RAD51B: variants seen among roughly 807,000 people sequenced by gnomAD.
The protein encoded by RAD51B is DNA repair protein RAD51 homolog 2.
In RAD51B, 38 loss-of-function variants were observed where a neutral mutation model predicts 42.2. The observed-to-expected ratio is 0.90, with a 90% CI of 0.70 to 1.18. The LOEUF (loss-of-function observed/expected upper bound fraction) is 1.18, where lower values mean the gene tolerates loss of function less well. Ranked by LOEUF, RAD51B falls within the 50% of genes most tolerant of loss-of-function variation. The pLI is 0.00. For missense variants in RAD51B, 373 were observed against 400.7 expected, an observed-to-expected ratio of 0.93 and a Z score of 0.59; for synonymous variants, 154 against 145.2, an observed-to-expected ratio of 1.06 and a Z score of -0.43.
At chr14:68,249,293 C>A (rs115133667) in intron 7 of RAD51B, among the ~76,000 whole-genome samples, 1 of 152,298 alleles carries the variant, frequency 6.6e-6, no homozygotes, top group African/African-American at 2.4e-5. Flanking sequence ...TGCGGAAATA[C>A]TTCTTTGGAT....
rs567468249 is a variant in RAD51B, at chr14:68,333,243, A to G, written c.853+41263A>G. Among the ~76,000 whole-genome samples, 19 of 151,748 alleles carry G rather than the reference A, an allele frequency of 1.3e-4. No individual in the cohort carries two copies. The South Asian group carries it at 3.3e-3, about 27-fold the overall frequency. ...GTAAAGAATGCCTACAAATCAATAA[A>G]GAAAAATAGAAAAATAGACGAGGGA... On this transcript the variant is annotated intron_variant, in intron 8 of 10. Coordinates refer to ENST00000471583, the MANE Select transcript of RAD51B (RefSeq NM_133510.4).
At chr14:68,583,769 C>T (rs946208625) in intron 10 of RAD51B, among the ~76,000 whole-genome samples, 2 of 152,256 alleles carry the variant, frequency 1.3e-5, no homozygotes, top group African/African-American at 4.8e-5. Context: ...CCACCCACAA[C>T]TTGGCCTTGG....
chr14:67,841,669 T>C (rs1012907194), intron 4 of RAD51B, among the ~76,000 whole-genome samples: 1 of 140,718 alleles, frequency 7.1e-6, no homozygotes, highest in African/African-American at 2.9e-5. Context: ...ATTTATTGAA[T>C]AGGAAGTCCT....
chr14:68,091,487 C>G (rs971342035), intron 7 of RAD51B, among the ~76,000 whole-genome samples: 15 of 152,128 alleles, frequency 9.9e-5, no homozygotes, highest in African/African-American at 2.9e-4. Context: ...TTTTTTGGCT[C>G]CATAAATGTC....
intron 7 of RAD51B, among the ~76,000 whole-genome samples, chr14:67,918,984 A>G (rs1566957797): frequency 6.6e-6 from 1 of 152,164 alleles, no homozygotes; most frequent in Non-Finnish European, 1.5e-5. Flanking sequence ...AGAGAGAGGA[A>G]GTTTGCAAGA....
intron 8 of RAD51B, among the ~76,000 whole-genome samples, chr14:68,303,335 C>T (rs1425974047): frequency 6.6e-6 from 1 of 151,834 alleles, no homozygotes; most frequent in Non-Finnish European, 1.5e-5. Flanking sequence ...GGAGGTATAG[C>T]ATTAGGAGAA....
At chr14:68,088,824 T>C (rs1307363107) in intron 7 of RAD51B, among the ~76,000 whole-genome samples, 2 of 151,834 alleles carry the variant, frequency 1.3e-5, no homozygotes, top group Non-Finnish European at 2.9e-5. Context: ...AAGAAGGAGG[T>C]TGGGGTAGAG....
At chr14:67,908,727 A>G (rs2043864733) in intron 7 of RAD51B, 1 of 152,082 alleles carries the variant, frequency 6.6e-6, no homozygotes, top group South Asian at 2.1e-4. Flanking sequence ...AACAAATTTA[A>G]ACAAATGGTT....
chr14:68,377,594 C>G (rs930104513), intron 8 of RAD51B, among the ~76,000 whole-genome samples: 1 of 152,220 alleles, frequency 6.6e-6, no homozygotes, highest in Non-Finnish European at 1.5e-5. Context: ...ACTTCCCCTT[C>G]GAACCTTCTC....
intron 11 of RAD51B, among the ~76,000 whole-genome samples, chr14:68,666,151 C>A (rs1199913141): frequency 6.6e-6 from 1 of 152,222 alleles, no homozygotes; most frequent in Non-Finnish European, 1.5e-5. Context: ...TTTTCTGTCA[C>A]ATGAAACCTG....
At chr14:68,086,337 C>T (rs939267280) in intron 7 of RAD51B, among the ~76,000 whole-genome samples, 3 of 152,080 alleles carry the variant, frequency 2.0e-5, no homozygotes, top group African/African-American at 4.8e-5. Context: ...CTCGTGTGCT[C>T]CTCTCAACGT....
chr14:68,121,424 G>A (rs2077650008), intron 7 of RAD51B, among the ~76,000 whole-genome samples: 1 of 152,120 alleles, frequency 6.6e-6, no homozygotes, highest in South Asian at 2.1e-4. Flanking sequence ...TAACAGCCCT[G>A]GTTTGTACCA....
chr14:68,441,541 CAAAAAAAA>C (rs67477807), intron 9 of RAD51B, among the ~76,000 whole-genome samples: 4 of 68,034 alleles, frequency 5.9e-5, no homozygotes, highest in Non-Finnish European at 1.0e-4. Flanking sequence ...GACTCCATCT[CAAAAAAAA>C]AAAAAAAAAA....
intron 7 of RAD51B, among the ~76,000 whole-genome samples, chr14:68,268,585 AC>A (rs2081040246): frequency 6.6e-6 from 1 of 152,174 alleles, no homozygotes; most frequent in East Asian, 1.9e-4. Context: ...GGATTTGTTC[AC>A]CTGAGATAGT....
chr14:68,025,695 G>A lies in RAD51B; in HGVS notation c.756+138491G>A, dbSNP rs374982148. Among the ~76,000 whole-genome samples, 18 of 151,722 alleles carry A rather than the reference G, an allele frequency of 1.2e-4. 1 individual carries two copies. The highest frequency in any genetic ancestry group is 2.4e-4 in the African/African-American group (10 of 41,434). ...TCAAAGTAGTCTCTGAGGATCTTTC[G>A]TTTTTCTGTGGGATCAGTTGTAATG... is the stretch of plus-strand genomic sequence containing the variant. On this transcript the variant is annotated intron_variant, in intron 7 of 10. Transcript: ENST00000471583.
intron 4 of RAD51B, among the ~76,000 whole-genome samples, chr14:67,850,869 C>T (rs547020845): frequency 1.3e-5 from 2 of 152,252 alleles, no homozygotes; most frequent in African/African-American, 4.8e-5. Context: ...CACCCTTGTT[C>T]TAGAGCTCTT....
In RAD51B at chr14:68,140,243, T is replaced by C. The variant is rs1178491898; in HGVS notation, c.757-151641T>C. Among the ~76,000 whole-genome samples, 6 of 152,172 alleles carry C rather than the reference T, an allele frequency of 3.9e-5. No individual in the cohort carries two copies. The South Asian group carries it at 8.3e-4, about 21-fold the overall frequency. ...ACCAAACACTGAAGGAAGAAAAGCC[T>C]TTAGTCTCATTAAGGAGCCCAGACA... On this transcript the variant is annotated intron_variant, in intron 7 of 10. Coordinates refer to ENST00000471583, the MANE Select transcript of RAD51B (RefSeq NM_133510.4).
At chr14:68,550,676 C>T (rs1422208498) in intron 10 of RAD51B, among the ~76,000 whole-genome samples, 2 of 152,152 alleles carry the variant, frequency 1.3e-5, no homozygotes, top group Non-Finnish European at 2.9e-5. Flanking sequence ...TAAGCACATC[C>T]TTCCTTCATA....
intron 9 of RAD51B, among the ~76,000 whole-genome samples, chr14:68,445,905 T>G (rs2085409342): frequency 6.6e-6 from 1 of 152,114 alleles, no homozygotes; most frequent in Admixed American, 6.5e-5. Flanking sequence ...CTGAGAACGG[T>G]TTAAGGTATT....
Sources: allele counts gnomAD v4.1 joint callset (sites outside exome capture counted in the v4.1 genomes callset), GRCh38; gene constraint gnomAD v4.1.1; transcripts MANE v1.5; gene names NCBI Gene and HGNC (gene_info 2026-07-23, HGNC 2026-07-21).